FABP12: variants seen among roughly 807,000 people sequenced by gnomAD.
The protein encoded by FABP12 is fatty acid-binding protein 12.
A neutral mutation model predicts 13.7 loss-of-function variants in FABP12; 19 were observed. The observed-to-expected ratio is 1.39, with a 90% CI of 0.97 to 2.04. The LOEUF (loss-of-function observed/expected upper bound fraction) is 2.04. Ranked by LOEUF, FABP12 falls within the 30% of genes most tolerant of loss-of-function variation. The pLI is 0.00. For synonymous variants in FABP12, 61 were observed against 57.0 expected (o/e 1.07, Z -0.32); for missense variants, 182 against 164.2 (o/e 1.11, Z -0.59).
chr8:81,538,919 G>A (rs771376496), upstream of FABP12, among the ~76,000 whole-genome samples: 4 of 152,086 alleles, frequency 2.6e-5, no homozygotes, highest in Non-Finnish European at 4.4e-5. Context: ...TGCAATATCA[G>A]CTCACTGCAA....
chr8:81,547,721 GT>G (rs759936110), intron 1 of FABP12, among the ~76,000 whole-genome samples: 23 of 152,132 alleles, frequency 1.5e-4, no homozygotes, highest in Non-Finnish European at 2.5e-4. Flanking sequence ...CGTGTATTAA[GT>G]TTTTGTGCCC....
chr8:81,569,681 G>A (rs1352335735), intron 1 of FABP12, among the ~76,000 whole-genome samples: 2 of 152,168 alleles, frequency 1.3e-5, no homozygotes, highest in Non-Finnish European at 2.9e-5. Flanking sequence ...CCCCCTCAGA[G>A]GGCCCAATTT....
intron 1 of FABP12, among the ~76,000 whole-genome samples, chr8:81,572,250 T>G (rs1809946388): frequency 6.6e-6 from 1 of 152,210 alleles, no homozygotes; most frequent in African/African-American, 2.4e-5. Flanking sequence ...AATAATAGTT[T>G]CCTGTCTCAT....
intron 1 of FABP12, among the ~76,000 whole-genome samples, chr8:81,577,450 T>C (rs997530258): frequency 2.0e-5 from 3 of 152,202 alleles, no homozygotes; most frequent in African/African-American, 7.2e-5. Context: ...AGTTATTATA[T>C]GTATCTTCTT....
At chr8:81,582,193 G>T (rs1232161775) in intron 1 of FABP12, among the ~76,000 whole-genome samples, 2 of 135,876 alleles carry the variant, frequency 1.5e-5, no homozygotes, top group African/African-American at 5.4e-5. Flanking sequence ...CATAATCTCG[G>T]CTCACTGCAA....
intron 1 of FABP12, among the ~76,000 whole-genome samples, chr8:81,552,338 A>C (rs944327954): frequency 3.3e-5 from 5 of 152,188 alleles, no homozygotes; most frequent in African/African-American, 1.2e-4. Context: ...GTAGTGCCAA[A>C]GCAGGAAGTG....
intron 1 of FABP12, among the ~76,000 whole-genome samples, chr8:81,568,141 A>AT (rs1809862762): frequency 6.6e-6 from 1 of 152,102 alleles, no homozygotes; most frequent in African/African-American, 2.4e-5. Context: ...AAAAAAAAAA[A>AT]AAAAGTTTCC....
intron 1 of FABP12, among the ~76,000 whole-genome samples, chr8:81,564,144 A>G (rs1302570673): frequency 6.6e-6 from 1 of 152,156 alleles, no homozygotes; most frequent in African/African-American, 2.4e-5. Context: ...TGGAATATGT[A>G]AAGTGCTGAA....
intron 1 of FABP12, among the ~76,000 whole-genome samples, chr8:81,556,565 A>AAGAT (rs3994989): frequency 0.34 from 51,421 of 151,254 alleles, 9,160 homozygotes; most frequent in East Asian, 0.5. Flanking sequence ...TTAATGGTAA[A>AAGAT]AGGCTTTTTT....
chr8:81,576,677 T>C (rs1373037689), intron 1 of FABP12, among the ~76,000 whole-genome samples: 1 of 152,242 alleles, frequency 6.6e-6, no homozygotes, highest in Non-Finnish European at 1.5e-5. Context: ...GTTAAATGGA[T>C]ATGCTGTTAG....
chr8:81,581,040 TA>T (rs200559676), intron 1 of FABP12, among the ~76,000 whole-genome samples: 1,809 of 152,270 alleles, frequency 0.012, 30 homozygotes, highest in African/African-American at 0.041. Context: ...CTGCATGGCC[TA>T]AAAGCATGGC....
At chr8:81,564,064 T>C (rs2130053327) in intron 1 of FABP12, among the ~76,000 whole-genome samples, 1 of 152,080 alleles carries the variant, frequency 6.6e-6, no homozygotes. Flanking sequence ...ACAAATAACA[T>C]GGTGTTGCTC....
intron 1 of FABP12, among the ~76,000 whole-genome samples, chr8:81,543,619 T>A (rs1809388737): frequency 6.6e-6 from 1 of 152,190 alleles, no homozygotes; most frequent in African/African-American, 2.4e-5. Flanking sequence ...TATACCCTGA[T>A]CACAAATATG....
chr8:81,585,207 G>C (rs1215497459), intron 1 of FABP12, among the ~76,000 whole-genome samples: 1 of 152,178 alleles, frequency 6.6e-6, no homozygotes, highest in East Asian at 1.9e-4. Context: ...TCGTTTCATA[G>C]ATTCAGGTCT....
intron 1 of FABP12, among the ~76,000 whole-genome samples, chr8:81,584,573 G>T (rs929881242): frequency 2.9e-5 from 1 of 34,598 alleles, no homozygotes; most frequent in African/African-American, 1.0e-4. Context: ...AAGGTGTGTG[G>T]CTTCCCACCC....
intron 1 of FABP12, among the ~76,000 whole-genome samples, chr8:81,563,438 A>G (rs982087398): frequency 2.0e-5 from 3 of 152,220 alleles, no homozygotes; most frequent in Non-Finnish European, 4.4e-5. Context: ...CACCAAATGA[A>G]CTAAATAAGG....
At chr8:81,561,912 G>T (rs940729248) in intron 1 of FABP12, among the ~76,000 whole-genome samples, 1 of 152,200 alleles carries the variant, frequency 6.6e-6, no homozygotes, top group Non-Finnish European at 1.5e-5. Flanking sequence ...TGCAGTGCTA[G>T]GATTGGAGCC....
At chr8:81,534,239 C>A (rs1346925804), upstream of FABP12, among the ~76,000 whole-genome samples, 2 of 152,104 alleles carry the variant, frequency 1.3e-5, no homozygotes, top group African/African-American at 4.8e-5. Flanking sequence ...ATATCACAGC[C>A]CTTCCTTCCT....
chr8:81,561,995 C>T (rs544916323), intron 1 of FABP12, among the ~76,000 whole-genome samples: 1 of 152,186 alleles, frequency 6.6e-6, no homozygotes, highest in Non-Finnish European at 1.5e-5. Flanking sequence ...TGTCATGCCT[C>T]TTCCAACACC....
Sources: allele counts gnomAD v4.1 joint callset (sites outside exome capture counted in the v4.1 genomes callset), GRCh38; gene constraint gnomAD v4.1.1; transcripts MANE v1.5; gene names NCBI Gene and HGNC (gene_info 2026-07-23, HGNC 2026-07-21).